Variants in MYL7 observed in about 807,000 individuals in gnomAD.
MYL7 encodes myosin regulatory light chain 2, atrial isoform.
MYL7 carries 27 observed loss-of-function variants against 22.5 expected under a neutral mutation model. The observed-to-expected ratio is 1.20, with a 90% CI of 0.89 to 1.66. The LOEUF (loss-of-function observed/expected upper bound fraction) is 1.66. Among genes scored for constraint, MYL7 ranks in the 40% most tolerant of loss-of-function variants. The pLI is 0.00. For missense variants in MYL7, 209 were observed against 226.8 expected (o/e 0.92, Z 0.50); for synonymous variants, 81 against 84.4 (o/e 0.96, Z 0.22).
At chr7:44,140,542 G>A (rs1355096022) in intron 3 of MYL7, 115 bp from the exon 4 acceptor site, 1 of 1,178,386 alleles carries the variant, frequency 8.5e-7, no homozygotes, top group Admixed American at 2.2e-5. Flanking sequence ...GCAGCTGTGG[G>A]TCGGGAAGGT....
At chr7:44,140,084 A>T (rs2096263423) in intron 4 of MYL7, among the ~76,000 whole-genome samples, 1 of 151,910 alleles carries the variant, frequency 6.6e-6, no homozygotes, top group African/African-American at 2.4e-5. Flanking sequence ...CTGAAGGCAC[A>T]TTTCCTGGCT....
intron 4 of MYL7, 45 bp from the exon 5 acceptor site, chr7:44,139,905 C>G (rs1013764769): frequency 4.5e-6 from 7 of 1,547,382 alleles, no homozygotes; most frequent in Non-Finnish European, 3.5e-6. Context: ...TCTCCAGCAT[C>G]CCAGGTCCCC....
Position 44,140,720 on chromosome 7 carries a change from GAGT to G in MYL7, c.182_184del (p.Tyr61del). 1 of 1,608,510 alleles carries G rather than the reference GAGT, an allele frequency of 6.2e-7. No homozygotes were observed. Among genetic ancestry groups the G allele is most frequent in the African/African-American group, 1.3e-5 (1 of 74,902 alleles). On this transcript the variant is annotated inframe_deletion, in exon 3 of 7. Coordinates refer to ENST00000223364, the MANE Select transcript of MYL7 (RefSeq NM_021223.3). ...GAGGTGGGTGCACGCACCCAGCTGG[GAGT>G]AGGTCTCCCTCAGGTCTGCCTTGCA...
At chr7:44,141,202 GA>G in intron 1 of MYL7, 100 bp downstream of exon 1, 2 of 1,594,512 alleles carry the variant, frequency 1.3e-6, no homozygotes, top group Non-Finnish European at 1.7e-6. Flanking sequence ...TCTCCCTGGG[GA>G]CCACCCTCAA....
At chr7:44,139,300 TC>T (rs2096262360) in intron 6 of MYL7, 5 of 681,890 alleles carry the variant, frequency 7.3e-6, no homozygotes, top group African/African-American at 3.5e-5. Context: ...CCTATCCACT[TC>T]CCCCCAGGTC....
rs542519110 is a variant in MYL7 at position 44,139,226 on chromosome 7, C to T, written c.427-204G>A. Among the ~76,000 whole-genome samples, 20 of 152,314 alleles carry T rather than the reference C, an allele frequency of 1.3e-4. 1 individual carries two copies. The South Asian group carries it at 4.1e-3, about 32-fold the overall frequency. On this transcript the variant is annotated intron_variant, in intron 6 of 6. Transcript: ENST00000223364. The stretch of plus-strand genomic sequence containing the variant: ...GTGAGGAGTCAGTGCAAATGTGGGC[C>T]AAGAGGCAAAGGACGCCCCTCCAGC...
At chr7:44,139,612 G>T in intron 5 of MYL7, 43 bp from the exon 6 acceptor site, 3 of 1,585,076 alleles carry the variant, frequency 1.9e-6, no homozygotes, top group South Asian at 2.3e-5. Context: ...GCGGGGGAGT[G>T]ACTGCACAGG....
chr7:44,140,883 G>T (rs1308118598), intron 2 of MYL7, 78 bp downstream of exon 2: 1 of 1,488,866 alleles, frequency 6.7e-7, no homozygotes, highest in South Asian at 1.2e-5. Context: ...GCAAGGTCAG[G>T]GTAGAAGGGG....
intron 6 of MYL7, among the ~76,000 whole-genome samples, chr7:44,139,268 C>A (rs1466053919): frequency 6.6e-6 from 1 of 152,248 alleles, no homozygotes; most frequent in Admixed American, 6.5e-5. Context: ...CACAGGCCCA[C>A]CCCGAGTGTA....
At position 44,138,955 on chromosome 7, in the gene MYL7, T is replaced by C. The variant is rs905789028; in HGVS notation, c.494A>G (p.Tyr165Cys). ...TTTCTCGTCTCCATGGGTGATGATG[T>C]AGCACAGTGACTTGTAGTCGATGTT... ...AGNIDYKSLC[Y>C]IITHGDEKEE The change falls in exon 7 of 7, where the codon TAC becomes TGC. Residue 165 changes from tyrosine to cysteine, a missense_variant. By Grantham distance (194) the Tyr-to-Cys change is radical. Transcript: ENST00000223364. The C allele has an allele frequency of 6.2e-7, 1 of 1,614,186 alleles. No individual in the cohort carries two copies. The highest frequency in any genetic ancestry group is 8.5e-7 in the Non-Finnish European group (1 of 1,180,014).
At chr7:44,139,668 C>T (rs2096262879) in intron 5 of MYL7, 99 bp from the exon 6 acceptor site, 14 of 1,566,128 alleles carry the variant, frequency 8.9e-6, no homozygotes, top group Non-Finnish European at 1.2e-5. Flanking sequence ...GGGTTGGCTG[C>T]ACCCCAAAGA....
chr7:44,139,296 C>T (rs2096262344), intron 6 of MYL7: 3 of 678,676 alleles, frequency 4.4e-6, no homozygotes, highest in Non-Finnish European at 7.9e-6. Context: ...TCTCCCTATC[C>T]ACTTCCCCCC....
rs781661363 is a variant in MYL7, at chr7:44,140,490, C to T, written c.194-63G>A. 2.0e-5 allele frequency: 28 copies of T among 1,422,158 alleles called. 1 individual carries two copies. The highest frequency in any genetic ancestry group is 1.8e-4 in the Middle Eastern group (1 of 5,648). The allele number at this position is 1,422,158 out of a possible 1,614,324, so 88.1% of individuals were successfully genotyped here. A position where few individuals can be genotyped will look rare whatever the true frequency, so the allele number is the denominator to read the frequency against. ...TGGGTGTCCCCCAGAAGGCCCAGGC[C>T]GCCCTCCCTCCATCCTGGCCACAGG... On this transcript the variant is annotated intron_variant, in intron 3 of 6. Coordinates refer to ENST00000223364, the MANE Select transcript of MYL7 (RefSeq NM_021223.3).
intron 2 of MYL7, 69 bp downstream of exon 2, chr7:44,140,892 G>C: frequency 6.3e-7 from 1 of 1,577,422 alleles, no homozygotes; most frequent in Non-Finnish European, 8.6e-7. Flanking sequence ...GGGTAGAAGG[G>C]GGGTATGTAT....
At chr7:44,140,211 A>T in intron 4 of MYL7, 112 bp downstream of exon 4, 1 of 861,772 alleles carries the variant, frequency 1.2e-6, no homozygotes, top group South Asian at 1.5e-5. Flanking sequence ...GTTAGGGTTC[A>T]GGTGGGGTTC....
Position 44,139,543 on chromosome 7 carries a change from G to C in MYL7, c.404C>G (p.Ala135Gly), listed in dbSNP as rs1458575628. Residue 135 changes from alanine to glycine, a missense_variant, in exon 6 of 7, where the codon GCA becomes GGA. By Grantham distance (60) the Ala-to-Gly change is moderately conservative. Coordinates refer to ENST00000223364, the MANE Select transcript of MYL7 (RefSeq NM_021223.3). The stretch of plus-strand genomic sequence containing the variant: ...CACCTCAGCTGGAGAGAACTTGTCT[G>C]CCTGGGTCAGGAGAAGCTGCTTGAA... ...DEFKQLLLTQ[A>G]DKFSPAEVEQ... 1.2e-6 allele frequency: 2 copies of C among 1,611,930 alleles called. No individual in the cohort carries two copies. The highest frequency in any genetic ancestry group is 3.3e-5 in the Admixed American group (2 of 59,734).
Position 44,140,366 on chromosome 7 carries a change from G to A in MYL7, c.255C>T (p.Ile85=), listed in dbSNP as rs1295873697. Residue 85 remains isoleucine, a synonymous_variant, in exon 4 of 7, where the codon ATC becomes ATT. Transcript: ENST00000223364. The part of the protein sequence containing the change: ...DAMLQEGKGP[I]NFTVFLTLFG... The stretch of plus-strand genomic sequence containing the variant: ...AGAGCGTGAGGAAGACGGTGAAGTT[G>A]ATGGGGCCCTTGCCCTCTTGCAGCA... The A allele has an allele frequency of 4.3e-6, 7 of 1,613,972 alleles. No homozygotes were observed. In the South Asian group the frequency reaches 7.7e-5, roughly 18 times the overall value.
chr7:44,139,284 C>T, intron 6 of MYL7: 1 of 666,106 alleles, frequency 1.5e-6, no homozygotes, highest in Non-Finnish European at 2.7e-6. Flanking sequence ...GTGTACGAAA[C>T]CTCTCCCTAT....
rs537103252 is a variant in MYL7, at chr7:44,139,066, C to T, written c.427-44G>A. 2.7e-6 allele frequency: 4 copies of T among 1,509,146 alleles called. No individual in the cohort carries two copies. The South Asian group carries it at 4.5e-5, about 17-fold the overall frequency. The allele number at this position is 1,509,146 out of a possible 1,614,324, so 93.5% of individuals were successfully genotyped here. A position where few individuals can be genotyped will look rare whatever the true frequency, so the allele number is the denominator to read the frequency against. On this transcript the variant is annotated intron_variant, in intron 6 of 6. Coordinates refer to ENST00000223364, the MANE Select transcript of MYL7 (RefSeq NM_021223.3). ...AGTGGCAGTCCCCTGGCTCCTGGCC[C>T]AGCCCGGCAGAGACCTCACCTGAGT...
Sources: allele counts gnomAD v4.1 joint callset (sites outside exome capture counted in the v4.1 genomes callset), GRCh38; gene constraint gnomAD v4.1.1; transcripts MANE v1.5; gene names NCBI Gene and HGNC (gene_info 2026-07-23, HGNC 2026-07-21).